GUCY1A2: variants seen among roughly 807,000 people sequenced by gnomAD.
GUCY1A2 encodes the protein guanylate cyclase soluble subunit alpha-2.
Under a neutral mutation model 63.5 loss-of-function variants are expected in GUCY1A2, and 27 were observed. That is an observed-to-expected ratio of 0.43 (90% confidence interval 0.31 to 0.59). The LOEUF (loss-of-function observed/expected upper bound fraction) is 0.59, where lower values mean the gene tolerates loss of function less well. Ranked by LOEUF, GUCY1A2 falls within the 20% of genes least tolerant of loss-of-function variation. GUCY1A2 has a pLI of 0.11. For missense variants in GUCY1A2, 768 were observed against 913.3 expected, an observed-to-expected ratio of 0.84 and a Z score of 2.05; for synonymous variants, 364 against 343.5, an observed-to-expected ratio of 1.06 and a Z score of -0.66.
chr11:106,823,506 T>C (rs142309029), intron 4 of GUCY1A2, among the ~76,000 whole-genome samples: 20 of 152,244 alleles, frequency 1.3e-4, no homozygotes, highest in Middle Eastern at 3.4e-3. Context: ...TGGTAAACAC[T>C]TAGGTTGGTT....
At chr11:106,918,634 T>A (rs1860400143) in intron 4 of GUCY1A2, among the ~76,000 whole-genome samples, 1 of 145,160 alleles carries the variant, frequency 6.9e-6, no homozygotes, top group Non-Finnish European at 1.5e-5. Context: ...AGAAAGGAAA[T>A]TTTCAAAATT....
intron 4 of GUCY1A2, among the ~76,000 whole-genome samples, chr11:106,925,895 T>C (rs1032662208): frequency 1.3e-5 from 2 of 152,146 alleles, no homozygotes; most frequent in Non-Finnish European, 1.5e-5. Flanking sequence ...ATAAAATAAA[T>C]GTAGAATTTT....
intron 3 of GUCY1A2, among the ~76,000 whole-genome samples, chr11:106,962,035 T>A (rs1331188483): frequency 6.6e-6 from 1 of 152,150 alleles, no homozygotes; most frequent in Non-Finnish European, 1.5e-5. Flanking sequence ...TAAAGTTAAG[T>A]CCAATAAAGT....
intron 6 of GUCY1A2, among the ~76,000 whole-genome samples, chr11:106,743,442 C>A (rs1347597114): frequency 6.6e-6 from 1 of 152,176 alleles, no homozygotes; most frequent in Non-Finnish European, 1.5e-5. Flanking sequence ...TTTGCAGTCA[C>A]AGGCAATTAC....
intron 5 of GUCY1A2, among the ~76,000 whole-genome samples, chr11:106,806,352 C>T (rs1398757461): frequency 6.6e-6 from 1 of 152,036 alleles, no homozygotes; most frequent in Non-Finnish European, 1.5e-5. Flanking sequence ...GATGGGGATG[C>T]TAAAGATTGT....
chr11:106,811,754 A>C (rs1858764772), intron 4 of GUCY1A2, among the ~76,000 whole-genome samples: 1 of 152,034 alleles, frequency 6.6e-6, no homozygotes, highest in Non-Finnish European at 1.5e-5. Flanking sequence ...ATTTCTGCTA[A>C]AGTTCAGTAT....
At chr11:106,755,157 C>A (rs2135387856) in intron 6 of GUCY1A2, among the ~76,000 whole-genome samples, 1 of 152,250 alleles carries the variant, frequency 6.6e-6, no homozygotes, top group African/African-American at 2.4e-5. Flanking sequence ...ATAGTATTCT[C>A]TGATGGTAGA....
At chr11:106,698,773 A>G (rs1386518721) in intron 7 of GUCY1A2, among the ~76,000 whole-genome samples, 2 of 152,212 alleles carry the variant, frequency 1.3e-5, no homozygotes, top group South Asian at 2.1e-4. Flanking sequence ...AAGTACATGA[A>G]AGATGAGATC....
chr11:106,719,358 T>C (rs1042964292), intron 6 of GUCY1A2, among the ~76,000 whole-genome samples: 10 of 152,090 alleles, frequency 6.6e-5, no homozygotes, highest in Non-Finnish European at 2.9e-5. Flanking sequence ...AAACTTTAAA[T>C]ATGTAGAAAT....
intron 6 of GUCY1A2, among the ~76,000 whole-genome samples, chr11:106,748,426 A>G (rs553308816): frequency 3.3e-5 from 5 of 152,244 alleles, no homozygotes; most frequent in South Asian, 2.1e-4. Context: ...TCTCCTCACT[A>G]TATGTATATG....
intron 1 of GUCY1A2, among the ~76,000 whole-genome samples, chr11:106,988,747 T>C (rs1861434422): frequency 6.6e-6 from 1 of 152,250 alleles, no homozygotes; most frequent in Non-Finnish European, 1.5e-5. Flanking sequence ...AGAGGCTGAC[T>C]GCACAGCATC....
chr11:106,911,928 G>A (rs1442896591), intron 4 of GUCY1A2, among the ~76,000 whole-genome samples: 1 of 151,836 alleles, frequency 6.6e-6, no homozygotes, highest in Non-Finnish European at 1.5e-5. Context: ...TTAATCACTT[G>A]CATCCAATTG....
chr11:106,753,635 T>A (rs903334614), intron 6 of GUCY1A2, among the ~76,000 whole-genome samples: 1 of 152,196 alleles, frequency 6.6e-6, no homozygotes, highest in African/African-American at 2.4e-5. Flanking sequence ...CTTTTCCTTT[T>A]GTCAGGTTTG....
chr11:106,876,239 T>A (rs1478453968), intron 4 of GUCY1A2, among the ~76,000 whole-genome samples: 1 of 151,720 alleles, frequency 6.6e-6, no homozygotes, highest in East Asian at 1.9e-4. Context: ...AAAAGAAGAA[T>A]CCCTTCAGAA....
In GUCY1A2 at chr11:106,809,979, C is replaced by A; in HGVS notation, c.1692+14G>T. On this transcript the variant is annotated intron_variant, in intron 5 of 7. Transcript: ENST00000526355. Reference sequence around the variant, plus strand: ...TTAAAAAACATTTATATGTAAGTAACTAAACTCCCTTACCTTATAAATATC... The same window carrying A: ...TTAAAAAACATTTATATGTAAGTAAATAAACTCCCTTACCTTATAAATATC... 6.6e-7 allele frequency: 1 copy of A among 1,519,868 alleles called. No homozygotes were observed. The highest frequency in any genetic ancestry group is 9.0e-7 in the Non-Finnish European group (1 of 1,113,786). The allele number at this position is 1,519,868 out of a possible 1,614,324, so 94.1% of individuals were successfully genotyped here.
chr11:106,887,650 C>T (rs1295255283), intron 4 of GUCY1A2, among the ~76,000 whole-genome samples: 1 of 152,140 alleles, frequency 6.6e-6, no homozygotes, highest in African/African-American at 2.4e-5. Flanking sequence ...GTCCCTTATT[C>T]CTGCCACCCT....
chr11:106,881,539 T>C (rs1859823738), intron 4 of GUCY1A2, among the ~76,000 whole-genome samples: 1 of 152,082 alleles, frequency 6.6e-6, no homozygotes, highest in Non-Finnish European at 1.5e-5. Context: ...TGCCTTATGG[T>C]GTATTCTTAT....
intron 3 of GUCY1A2, among the ~76,000 whole-genome samples, chr11:106,960,731 G>GT (rs1232316214): frequency 2.0e-5 from 3 of 152,072 alleles, no homozygotes; most frequent in Admixed American, 2.0e-4. Context: ...AATGATGGTG[G>GT]TAACAGCGGT....
At chr11:106,729,850 T>A (rs1381423167) in intron 6 of GUCY1A2, among the ~76,000 whole-genome samples, 1 of 151,754 alleles carries the variant, frequency 6.6e-6, no homozygotes. Context: ...ATTTTAATTA[T>A]TTTTTATAAA....
Sources: allele counts gnomAD v4.1 joint callset (sites outside exome capture counted in the v4.1 genomes callset), GRCh38; gene constraint gnomAD v4.1.1; transcripts MANE v1.5; gene names NCBI Gene and HGNC (gene_info 2026-07-23, HGNC 2026-07-21).